The following ASIC1 variants were observed in gnomAD, a reference collection of about 807,000 sequenced individuals.
ASIC1 encodes the protein acid sensing ion channel subunit 1, also known as acid-sensing ion channel 1.
Under a neutral mutation model 63.4 loss-of-function variants are expected in ASIC1, and 21 were observed. That is an observed-to-expected ratio of 0.33 (90% CI 0.23 to 0.48). ASIC1 has a LOEUF of 0.48. Ranked by LOEUF, ASIC1 falls within the 20% of genes least tolerant of loss-of-function variation. The probability of loss-of-function intolerance (pLI) is 0.99; values close to 1 mark genes in which losing one functional copy is unlikely to be tolerated. For synonymous variants in ASIC1, 258 were observed against 278.2 expected, an observed-to-expected ratio of 0.93 and a Z score of 0.72; for missense variants, 478 against 695.5, an observed-to-expected ratio of 0.69 and a Z score of 3.52.
intron 3 of ASIC1, among the ~76,000 whole-genome samples, chr12:50,076,136 T>C (rs940972147): frequency 6.6e-6 from 1 of 152,080 alleles, no homozygotes; most frequent in Non-Finnish European, 1.5e-5. Flanking sequence ...AATGGAATAA[T>C]GATGGACCCA....
chr12:50,075,682 C>CGT (rs1950648636), intron 3 of ASIC1, among the ~76,000 whole-genome samples: 2 of 152,200 alleles, frequency 1.3e-5, no homozygotes, highest in African/African-American at 4.8e-5. Context: ...CCCTAGTAAC[C>CGT]TACTGCCATT....
chr12:50,081,744 CCA>C lies in ASIC1; in HGVS notation c.*99_*100del, dbSNP rs2137854499. 2 of 1,131,528 alleles carry C rather than the reference CCA, an allele frequency of 1.8e-6. No homozygotes were observed. Among genetic ancestry groups the C allele is most frequent in the African/African-American group, 1.5e-5 (1 of 64,966 alleles). The allele number at this position is 1,131,528 out of a possible 1,614,324, so 70.1% of individuals were successfully genotyped here. On this transcript the variant is annotated 3_prime_UTR_variant, in exon 12 of 12. Coordinates refer to ENST00000447966, the MANE Select transcript of ASIC1 (RefSeq NM_001095.4). ...TCCTCACATCTGCCCTGGGGACTCCCCACACTCCGGGGCAGATCTTTCCTCTT... is the reference window on the plus strand; with the variant it reads ...TCCTCACATCTGCCCTGGGGACTCCCCACTCCGGGGCAGATCTTTCCTCTT...
rs540115582 is a variant in ASIC1 at position 50,067,662 on chromosome 12, G to A, written c.558+7708G>A. ...TTGAGCTCCCGACCTCAGGTGATCC[G>A]CCTGTCTCGGCCTCCCGGAGTGCTG... On this transcript the variant is annotated intron_variant, in intron 3 of 11. Transcript: ENST00000447966. 8.5e-5 allele frequency among the ~76,000 whole-genome samples: 13 copies of A among 152,188 alleles called. No individual in the cohort carries two copies. In the South Asian group the frequency reaches 2.3e-3, roughly 27 times the overall value.
At chr12:50,073,771 G>T in intron 3 of ASIC1, 1 of 1,536,162 alleles carries the variant, frequency 6.5e-7, no homozygotes, top group Non-Finnish European at 8.7e-7. Flanking sequence ...TTCACCCATG[G>T]ACTTGGTGGC....
chr12:50,073,024 G>A (rs1950615133), intron 3 of ASIC1, among the ~76,000 whole-genome samples: 1 of 152,140 alleles, frequency 6.6e-6, no homozygotes, highest in Non-Finnish European at 1.5e-5. Context: ...GAATAAGGGA[G>A]AGGACCCAGA....
At chr12:50,072,660 A>G (rs1038117327) in intron 3 of ASIC1, among the ~76,000 whole-genome samples, 7 of 152,080 alleles carry the variant, frequency 4.6e-5, no homozygotes, top group East Asian at 1.9e-4. Context: ...GGGCAGGCCA[A>G]AAAGGGTAGT....
At chr12:50,080,670 C>T (rs1950706176) in intron 9 of ASIC1, 81 bp downstream of exon 9, 13 of 1,614,160 alleles carry the variant, frequency 8.1e-6, no homozygotes, top group Admixed American at 1.7e-5. Context: ...AGGGTGCTCA[C>T]TTCTGTCCCA....
At chr12:50,061,040 A>C (rs1475658824) in intron 3 of ASIC1, among the ~76,000 whole-genome samples, 1 of 152,210 alleles carries the variant, frequency 6.6e-6, no homozygotes, top group East Asian at 1.9e-4. Flanking sequence ...TGTTAAGCTG[A>C]AAATGTCCTT....
At chr12:50,070,539 C>G (rs1950589160) in intron 3 of ASIC1, among the ~76,000 whole-genome samples, 1 of 152,074 alleles carries the variant, frequency 6.6e-6, no homozygotes, top group Admixed American at 6.5e-5. Context: ...AACTTACTGT[C>G]CTTTGGCACT....
In ASIC1 at chr12:50,074,806, C is replaced by T. The variant is rs2137836771; in HGVS notation, c.559-2407C>T. Among the ~76,000 whole-genome samples the T allele has an allele frequency of 6.6e-6, 1 of 151,850 alleles. No individual in the cohort carries two copies. The highest frequency in any genetic ancestry group is 2.4e-5 in the African/African-American group (1 of 41,328). On this transcript the variant is annotated intron_variant, in intron 3 of 11. Coordinates refer to ENST00000447966, the MANE Select transcript of ASIC1 (RefSeq NM_001095.4). This position sits in a 1 kb window ranked among gnomAD's most constrained non-coding sequence, Gnocchi z 4.2. ...ATCTCCTGCAGCAGGGACTTCATTG[C>T]ATCTTCACTTGGTCTTCCTGTGCCC...
At position 50,078,007 on chromosome 12, in the gene ASIC1, G is replaced by A. The variant is rs149521223; in HGVS notation, c.717G>A (p.Thr239=). ...YLPVWGETDE[T]SFEAGIKVQI... ...CACTCCTCATTCCCCTAGACGAGAC[G>A]TCCTTCGAAGCAGGCATCAAAGTGC... is the stretch of plus-strand genomic sequence containing the variant. The change falls in exon 5 of 12, where the codon ACG becomes ACA. Residue 239 remains threonine (T), a synonymous_variant. Coordinates refer to ENST00000447966, the MANE Select transcript of ASIC1 (RefSeq NM_001095.4). The surrounding 1 kb of genome is among the most constrained non-coding windows in gnomAD (Gnocchi z 6.0). 5.9e-4 allele frequency: 949 copies of A among 1,612,184 alleles called. 10 individuals are homozygous for A. Among genetic ancestry groups the A allele is most frequent in the Admixed American group, 2.3e-4 (14 of 59,830 alleles).
At chr12:50,070,020 A>G (rs1950583385) in intron 3 of ASIC1, among the ~76,000 whole-genome samples, 1 of 152,204 alleles carries the variant, frequency 6.6e-6, no homozygotes, top group Non-Finnish European at 1.5e-5. Context: ...ATCCCATGAG[A>G]TAACAATTGA....
In ASIC1 at chr12:50,081,573, C is replaced by T. The variant is rs1950720130; in HGVS notation, c.1511C>T (p.Pro504Leu). 6.2e-7 allele frequency: 1 copy of T among 1,614,196 alleles called. No individual in the cohort carries two copies. Among genetic ancestry groups the T allele is most frequent in the East Asian group, 2.2e-5 (1 of 44,876 alleles). Residue 504 changes from proline (P) to leucine (L), a missense_variant, in exon 12 of 12, where the codon CCT (proline) becomes CTT (leucine). Around this residue, in one of 3 missense-constraint regions of ASIC1, gnomAD observed 104 missense variants for 97.0 expected, o/e 1.07. Transcript: ENST00000447966. ...CCGTGCGAGAGCCTTCGGGGCCACC[C>T]TGCCGGGATGACATACGCTGCCAAC... The part of the protein sequence containing the change: ...HNPCESLRGH[P>L]AGMTYAANIL...
chr12:50,066,464 A>T (rs1950546737), intron 3 of ASIC1, among the ~76,000 whole-genome samples: 1 of 152,186 alleles, frequency 6.6e-6, no homozygotes, highest in Admixed American at 6.5e-5. Context: ...TCCCGTTCCC[A>T]AGTTGAGTAG....
chr12:50,073,542 C>T (rs1201795671), intron 3 of ASIC1: 1 of 1,465,476 alleles, frequency 6.8e-7, no homozygotes, highest in South Asian at 1.4e-5. Flanking sequence ...CACCTTCCCC[C>T]TTCCTCCTGC....
chr12:50,081,855 A>C lies in ASIC1; in HGVS notation c.*206A>C. ...TTTTTACATTTAACAAAACTAATCT[A>C]AAAAAGAACTAAAAAGGGAGAACGG... On this transcript the variant is annotated 3_prime_UTR_variant, in exon 12 of 12. Coordinates refer to ENST00000447966, the MANE Select transcript of ASIC1 (RefSeq NM_001095.4). The C allele has an allele frequency of 1.7e-6, 1 of 580,646 alleles. No individual in the cohort carries two copies. Among genetic ancestry groups the C allele is most frequent in the Non-Finnish European group, 3.0e-6 (1 of 329,686 alleles). 36.0% of individuals were successfully genotyped at this position (580,646 alleles called of 1,614,324 possible). A position where few individuals can be genotyped will look rare whatever the true frequency, so the allele number is the denominator to read the frequency against.
intron 3 of ASIC1, among the ~76,000 whole-genome samples, chr12:50,072,039 G>T (rs1013349692): frequency 6.6e-6 from 1 of 152,330 alleles, no homozygotes; most frequent in East Asian, 1.9e-4. Context: ...AGGCCTCTTT[G>T]TCCCTGGCAG....
chr12:50,058,109 G>T (rs1950463559), intron 1 of ASIC1, among the ~76,000 whole-genome samples, 193 bp downstream of exon 1: 1 of 151,972 alleles, frequency 6.6e-6, no homozygotes, highest in Non-Finnish European at 1.5e-5. Flanking sequence ...GGGACAGCTC[G>T]CTGTCATAGG....
chr12:50,073,523 C>A (rs550156884), intron 3 of ASIC1: 86 of 1,447,650 alleles, frequency 5.9e-5, no homozygotes, highest in Non-Finnish European at 7.3e-5. Context: ...ACATCGCCTT[C>A]CCCTCTGGCA....
Sources: allele counts gnomAD v4.1 joint callset (sites outside exome capture counted in the v4.1 genomes callset), GRCh38; gene constraint gnomAD v4.1.1; regional missense constraint gnomAD v4.1.1; non-coding constraint Gnocchi (gnomAD v3.1); transcripts MANE v1.5; gene names NCBI Gene and HGNC (gene_info 2026-07-23, HGNC 2026-07-21).